The following LRRK2 variants were observed in gnomAD, a reference collection of about 807,000 sequenced individuals.
LRRK2 encodes leucine-rich repeat serine/threonine-protein kinase 2.
LRRK2 carries 203 observed loss-of-function variants against 302.6 expected under a neutral mutation model. That is an observed-to-expected ratio of 0.67 (90% confidence interval 0.60 to 0.75). The LOEUF is 0.75. Ranked by LOEUF, LRRK2 falls within the 30% of genes least tolerant of loss-of-function variation. The probability of loss-of-function intolerance (pLI) is 0.00; values close to 1 mark genes in which losing one functional copy is unlikely to be tolerated. For synonymous variants in LRRK2, 1,066 were observed against 1,031.9 expected, an observed-to-expected ratio of 1.03 and a Z score of -0.63; for missense variants, 2,830 against 2,951.0, an observed-to-expected ratio of 0.96 and a Z score of 0.95.
chr12:40,240,696 T>C, intron 6 of LRRK2, 79 bp downstream of exon 6: 1 of 1,352,852 alleles, frequency 7.4e-7, no homozygotes, highest in Middle Eastern at 2.5e-4. Context: ...ATTTTAACAA[T>C]ATTTTTATTA....
chr12:40,292,787 T>C (rs1024298095), intron 20 of LRRK2, among the ~76,000 whole-genome samples: 1 of 151,956 alleles, frequency 6.6e-6, no homozygotes, highest in Non-Finnish European at 1.5e-5. Context: ...TTTTCACAAA[T>C]GCATTCACAT....
At chr12:40,322,915 G>A (rs1215448378) in intron 37 of LRRK2, among the ~76,000 whole-genome samples, 1 of 152,050 alleles carries the variant, frequency 6.6e-6, no homozygotes, top group African/African-American at 2.4e-5. Flanking sequence ...CAGATGTCTG[G>A]TAGTCTGCAG....
In LRRK2 at chr12:40,346,918, T is replaced by G; in HGVS notation, c.6275T>G (p.Leu2092Ter). ...GATGAATTAGAAATACAAGGAAAAT[T>G]ACCTGGTAAGTTCTGTTTTCTCTAC... ...EFDELEIQGK[L>*]PDPVKEYGCA... The change falls in exon 42 of 51, where the codon TTA (leucine) becomes TGA (stop). Residue 2092 changes from leucine (L) to a stop codon, truncating the protein, a stop_gained. Coordinates refer to ENST00000298910, the MANE Select transcript of LRRK2 (RefSeq NM_198578.4). LOFTEE classifies it high-confidence loss of function. 6.2e-7 allele frequency: 1 copy of G among 1,610,836 alleles called. No homozygotes were observed. The highest frequency in any genetic ancestry group is 8.5e-7 in the Non-Finnish European group (1 of 1,179,142).
intron 20 of LRRK2, among the ~76,000 whole-genome samples, chr12:40,293,203 C>T (rs148931749): frequency 1.4e-4 from 21 of 152,048 alleles, no homozygotes; most frequent in South Asian, 6.2e-4. Context: ...CTTATGTAAC[C>T]GTTGATTGAT....
chr12:40,290,648 T>C (rs1202767240), intron 20 of LRRK2, among the ~76,000 whole-genome samples: 1 of 152,098 alleles, frequency 6.6e-6, no homozygotes, highest in Non-Finnish European at 1.5e-5. Flanking sequence ...AATATGCCCA[T>C]TTCATATAAG....
At position 40,240,525 on chromosome 12, in the gene LRRK2, A is replaced by G. The variant is rs1027893010; in HGVS notation, c.614A>G (p.Tyr205Cys). The G allele has an allele frequency of 1.2e-6, 2 of 1,613,210 alleles. No homozygotes were observed. Among genetic ancestry groups the G allele is most frequent in the Admixed American group, 1.7e-5 (1 of 59,912 alleles). Residue 205 changes from tyrosine (Y) to cysteine (C), a missense_variant, in exon 6 of 51, where the codon TAT (tyrosine) becomes TGT (cysteine). Around this residue, in one of 3 missense-constraint regions of LRRK2, gnomAD observed 2,121 missense variants for 2,148.0 expected, o/e 0.99. Coordinates refer to ENST00000298910, the MANE Select transcript of LRRK2 (RefSeq NM_198578.4). ...ACTGAATTTGTTGAGAACAAAGATT[A>G]TATGATATTGTTAAGTGCGTTAACA... is the stretch of plus-strand genomic sequence containing the variant. ...QLTEFVENKD[Y>C]MILLSALTNF...
intron 25 of LRRK2, among the ~76,000 whole-genome samples, chr12:40,301,527 T>G (rs933511044): frequency 6.6e-6 from 1 of 152,190 alleles, no homozygotes; most frequent in African/African-American, 2.4e-5. Context: ...CTCTGAAGTC[T>G]TAAGTGGAGA....
intron 13 of LRRK2, 36 bp downstream of exon 13, chr12:40,259,640 A>G (rs1191069524): frequency 1.2e-6 from 2 of 1,610,558 alleles, no homozygotes; most frequent in African/African-American, 1.3e-5. Context: ...AGAGATAACA[A>G]TTTAAATGGA....
Position 40,367,770 on chromosome 12 carries a change from G to T in LRRK2, c.*5G>T. Reference sequence around the variant, plus strand: ...AGACGAACATCTGTTGAGTAAGAGAGAAATAGGAATTGTCTTTGGATAGGA... The same window carrying T: ...AGACGAACATCTGTTGAGTAAGAGATAAATAGGAATTGTCTTTGGATAGGA... On this transcript the variant is annotated 3_prime_UTR_variant, in exon 51 of 51. Transcript: ENST00000298910. 1.2e-6 allele frequency: 2 copies of T among 1,602,854 alleles called. No individual in the cohort carries two copies. The highest frequency in any genetic ancestry group is 2.3e-5 in the East Asian group (1 of 44,380).
chr12:40,252,858 G>T, intron 10 of LRRK2, 52 bp from the exon 11 acceptor site: 2 of 1,194,098 alleles, frequency 1.7e-6, no homozygotes, highest in South Asian at 1.2e-5. Context: ...GTGAGAATTT[G>T]AGATAGTTAT....
intron 25 of LRRK2, among the ~76,000 whole-genome samples, chr12:40,300,577 T>C (rs1055974272): frequency 6.6e-6 from 1 of 152,178 alleles, no homozygotes; most frequent in Non-Finnish European, 1.5e-5. Context: ...TTAATTTGGA[T>C]AGTATTTTCC....
At chr12:40,323,388 A>G in intron 38 of LRRK2, 82 bp downstream of exon 38, 1 of 1,176,454 alleles carries the variant, frequency 8.5e-7, no homozygotes, top group Non-Finnish European at 1.2e-6. Context: ...TCATAATTAT[A>G]TTGTCATAGA....
chr12:40,367,578 TG>T lies in LRRK2; in HGVS notation c.7463-65del, dbSNP rs879201311. The T allele has an allele frequency of 7.2e-5, 110 of 1,526,184 alleles. No individual in the cohort carries two copies. The South Asian group carries it at 1.3e-3, about 18-fold the overall frequency. The allele number at this position is 1,526,184 out of a possible 1,614,324, so 94.5% of individuals were successfully genotyped here. On this transcript the variant is annotated intron_variant, in intron 50 of 50. Transcript: ENST00000298910. ...TCAACTAAAAATACATGAGCCAAAC[TG>T]AAATAAAATAAGAATGTTTTATGAT...
intron 19 of LRRK2, among the ~76,000 whole-genome samples, chr12:40,285,025 C>T (rs550071123): frequency 2.0e-5 from 3 of 152,134 alleles, no homozygotes; most frequent in Non-Finnish European, 2.9e-5. Context: ...TCCAACCGCT[C>T]AGTAGGCTCC....
At chr12:40,287,562 C>T (rs770830832) in intron 20 of LRRK2, 23 bp downstream of exon 20, 1 of 1,603,982 alleles carries the variant, frequency 6.2e-7, no homozygotes, top group African/African-American at 1.3e-5. Flanking sequence ...AAAAAAAACC[C>T]TTTATGCTTT....
intron 44 of LRRK2, among the ~76,000 whole-genome samples, chr12:40,353,627 G>A (rs919733514): frequency 1.3e-5 from 2 of 152,178 alleles, no homozygotes; most frequent in Non-Finnish European, 2.9e-5. Flanking sequence ...GGAGGCCAAG[G>A]CAGGCGGCTG....
At chr12:40,300,941 G>T (rs1226571768) in intron 25 of LRRK2, 5 of 470,878 alleles carry the variant, frequency 1.1e-5, no homozygotes, top group African/African-American at 2.0e-5. Flanking sequence ...TGAAGCTTGT[G>T]TATGGTCAGT....
intron 3 of LRRK2, among the ~76,000 whole-genome samples, chr12:40,233,328 A>T (rs565278206): frequency 2.0e-5 from 3 of 152,316 alleles, no homozygotes; most frequent in African/African-American, 7.2e-5. Flanking sequence ...TTGGCTTCCA[A>T]TGGTATATGG....
chr12:40,321,886 A>G (rs1306064265), intron 35 of LRRK2, 149 bp from the exon 36 acceptor site: 4 of 691,592 alleles, frequency 5.8e-6, no homozygotes, highest in Non-Finnish European at 4.8e-6. Context: ...AAAATATTTA[A>G]TAGATATGGA....
Sources: allele counts gnomAD v4.1 joint callset (sites outside exome capture counted in the v4.1 genomes callset), GRCh38; gene constraint gnomAD v4.1.1; regional missense constraint gnomAD v4.1.1; transcripts MANE v1.5; gene names NCBI Gene and HGNC (gene_info 2026-07-23, HGNC 2026-07-21).